Variants in POU2F3 observed in about 807,000 individuals in gnomAD.
The protein encoded by POU2F3 is POU class 2 homeobox 3.
A neutral mutation model predicts 59.2 loss-of-function variants in POU2F3; 23 were observed. That is an observed-to-expected ratio of 0.39 (90% CI 0.28 to 0.55). The LOEUF is 0.55. Among genes scored for constraint, POU2F3 ranks in the 20% least tolerant of loss-of-function variants. POU2F3 has a pLI of 0.66. For synonymous variants in POU2F3, 190 were observed against 214.6 expected (o/e 0.89, Z 1.00); for missense variants, 473 against 544.5 (o/e 0.87, Z 1.31).
intron 2 of POU2F3, among the ~76,000 whole-genome samples, chr11:120,251,371 G>C (rs1039969329): frequency 6.6e-6 from 1 of 152,230 alleles, no homozygotes; most frequent in African/African-American, 2.4e-5. Context: ...TTAAATGACA[G>C]AGCAAGTCTG....
At chr11:120,267,670 C>G (rs1939887232) in intron 2 of POU2F3, among the ~76,000 whole-genome samples, 4 of 152,206 alleles carry the variant, frequency 2.6e-5, no homozygotes, top group Non-Finnish European at 5.9e-5. Flanking sequence ...AGACCCCATT[C>G]ATTCATCTCT....
chr11:120,254,259 G>C (rs1176693455), intron 2 of POU2F3: 1 of 152,318 alleles, frequency 6.6e-6, no homozygotes, highest in Non-Finnish European at 1.5e-5. Context: ...CCAGAACCCA[G>C]GCAACTGACA....
intron 2 of POU2F3, among the ~76,000 whole-genome samples, chr11:120,264,239 C>T (rs1014022573): frequency 7.1e-6 from 1 of 140,352 alleles, no homozygotes; most frequent in Admixed American, 6.9e-5. Flanking sequence ...ACACAATTAG[C>T]TGAGCATGGT....
chr11:120,305,015 CGTGTTT>C lies in POU2F3; in HGVS notation c.445-14_445-9del, dbSNP rs755413017. The C allele has an allele frequency of 1.9e-6, 3 of 1,552,688 alleles. No homozygotes were observed. In the Admixed American group the frequency reaches 5.4e-5, roughly 28 times the overall value. The stretch of plus-strand genomic sequence containing the variant: ...TGATCTTCGTGGTGGATCTGCTTGG[CGTGTTT>C]CCTATCAGGCATTTGGGCACCCTGG... On this transcript the variant is annotated splice_polypyrimidine_tract_variant and intron_variant, in intron 6 of 12. Coordinates refer to ENST00000543440, the MANE Select transcript of POU2F3 (RefSeq NM_014352.4).
Position 120,307,583 on chromosome 11 carries a change from A to G in POU2F3, c.874A>G (p.Ile292Val). ...RKKRTSIETN[I>V]RLTLEKRFQD... ...GAAACGGACCAGCATCGAGACCAAC[A>G]TCCGCCTGACTCTGGAGAAGAGGTT... Residue 292 changes from isoleucine to valine, a missense_variant, in exon 9 of 13, where the codon ATC becomes GTC. Ile to Val is a conservative substitution (Grantham distance 29). Coordinates refer to ENST00000543440, the MANE Select transcript of POU2F3 (RefSeq NM_014352.4). 2 of 1,614,134 alleles carry G rather than the reference A, an allele frequency of 1.2e-6. No homozygotes were observed. Among genetic ancestry groups the G allele is most frequent in the Non-Finnish European group, 1.7e-6 (2 of 1,180,014 alleles).
At chr11:120,276,039 G>A (rs980913654) in intron 3 of POU2F3, among the ~76,000 whole-genome samples, 1 of 152,184 alleles carries the variant, frequency 6.6e-6, no homozygotes, top group African/African-American at 2.4e-5. Context: ...TGATGGAGAG[G>A]TTTCTTCAGG....
intron 5 of POU2F3, chr11:120,300,927 A>G (rs1160664674): frequency 2.3e-6 from 1 of 432,752 alleles, no homozygotes; most frequent in Non-Finnish European, 4.6e-6. Flanking sequence ...GCACCTCAGA[A>G]TATTATGGTG....
intron 3 of POU2F3, among the ~76,000 whole-genome samples, chr11:120,296,255 G>T (rs1941189079): frequency 6.6e-6 from 1 of 152,124 alleles, no homozygotes; most frequent in Non-Finnish European, 1.5e-5. Flanking sequence ...GGAGAAATGG[G>T]TTTTGCTTAT....
intron 1 of POU2F3, among the ~76,000 whole-genome samples, chr11:120,241,308 C>G (rs1938652367): frequency 6.6e-6 from 1 of 152,216 alleles, no homozygotes; most frequent in South Asian, 2.1e-4. Flanking sequence ...ATGTTGTTAC[C>G]TGGTCTCCTT....
chr11:120,240,490 G>A, intron 1 of POU2F3, 119 bp downstream of exon 1: 1 of 1,231,738 alleles, frequency 8.1e-7, no homozygotes, highest in Non-Finnish European at 1.0e-6. Flanking sequence ...GGAGAGGGCG[G>A]TGTGGATAGC....
chr11:120,280,841 G>A (rs1029389335), intron 3 of POU2F3, among the ~76,000 whole-genome samples: 1 of 152,188 alleles, frequency 6.6e-6, no homozygotes, highest in African/African-American at 2.4e-5. Context: ...AGGGAGGGTT[G>A]CCAGGTAAAG....
At chr11:120,305,237 A>T in intron 7 of POU2F3, 25 bp downstream of exon 7, 1 of 1,606,740 alleles carries the variant, frequency 6.2e-7, no homozygotes, top group Non-Finnish European at 8.5e-7. Context: ...GAAAAGATAG[A>T]AGAAGTCTAG....
intron 1 of POU2F3, among the ~76,000 whole-genome samples, chr11:120,244,046 G>A (rs936611679): frequency 3.3e-5 from 5 of 151,804 alleles, no homozygotes; most frequent in Admixed American, 1.3e-4. Flanking sequence ...CTAGGCATGC[G>A]ATTACAGTTT....
rs547876783 is a variant in POU2F3 at position 120,262,732 on chromosome 11, G to A, written c.98-6478G>A. Among the ~76,000 whole-genome samples the A allele has an allele frequency of 7.9e-4, 120 of 152,324 alleles. 1 individual carries two copies. In the South Asian group the frequency reaches 0.024, roughly 30 times the overall value. On this transcript the variant is annotated intron_variant, in intron 2 of 12. Coordinates refer to ENST00000543440, the MANE Select transcript of POU2F3 (RefSeq NM_014352.4). ...TATTGCTGAAAGCAGTCTTCATGAG[G>A]TTCCACCTTGTAGCAGATGGTCTTA...
chr11:120,249,628 T>G (rs563149001), intron 2 of POU2F3: 1 of 152,304 alleles, frequency 6.6e-6, no homozygotes, highest in Non-Finnish European at 1.5e-5. Context: ...AACCCCCAAG[T>G]GCAGATGTGG....
chr11:120,298,351 C>T lies in POU2F3; in HGVS notation c.219C>T (p.Ser73=), dbSNP rs113447905. 35 of 1,613,682 alleles carry T rather than the reference C, an allele frequency of 2.2e-5. No homozygotes were observed. Among genetic ancestry groups the T allele is most frequent in the African/African-American group, 4.0e-5 (3 of 74,896 alleles). Residue 73 remains serine, a synonymous_variant, in exon 4 of 13, where the codon TCC becomes TCT. Coordinates refer to ENST00000543440, the MANE Select transcript of POU2F3 (RefSeq NM_014352.4). The stretch of plus-strand genomic sequence containing the variant: ...TGAGTCAAGGACCTGCCATGATGTC[C>T]GGAAACCAAATGTCTGGGCTAAATG... The part of the protein sequence containing the change: ...CHLSQGPAMM[S]GNQMSGLNAS...
chr11:120,305,462 TAAGGAGAGA>T, intron 7 of POU2F3, 173 bp from the exon 8 acceptor site: 2 of 1,068,724 alleles, frequency 1.9e-6, no homozygotes, highest in Non-Finnish European at 2.7e-6. Context: ...ACTGAGAGTC[TAAGGAGAGA>T]AAGAAACCGA....
At chr11:120,302,223 A>G in intron 5 of POU2F3, 63 bp from the exon 6 acceptor site, 3 of 1,419,532 alleles carry the variant, frequency 2.1e-6, no homozygotes, top group South Asian at 1.2e-5. Flanking sequence ...AAGTTGTAGC[A>G]CATGTGTTTC....
chr11:120,239,545 G>A (rs1017718391), upstream of POU2F3, among the ~76,000 whole-genome samples: 7 of 152,198 alleles, frequency 4.6e-5, no homozygotes, highest in Non-Finnish European at 8.8e-5. Context: ...GCAGTTGTGT[G>A]CACCTGGAAA....
Sources: gnomAD v4.1 joint callset for allele counts (sites outside exome capture counted in the v4.1 genomes callset) on GRCh38, gnomAD v4.1.1 for gene constraint, MANE v1.5 for transcripts, NCBI Gene and HGNC (gene_info 2026-07-23, HGNC 2026-07-21) for gene names.